Variants in RYR2 observed in about 807,000 individuals in gnomAD.
The protein encoded by RYR2 is cardiac muscle ryanodine receptor-calcium release channel.
In RYR2, 227 loss-of-function variants were observed where a neutral mutation model predicts 601.1. The observed-to-expected ratio is 0.38, with a 90% CI of 0.34 to 0.42. The LOEUF (loss-of-function observed/expected upper bound fraction) is 0.42, where lower values mean the gene tolerates loss of function less well. Ranked by LOEUF, RYR2 falls within the 10% of genes least tolerant of loss-of-function variation. The probability of loss-of-function intolerance (pLI) is 1.00; values close to 1 mark genes in which losing one functional copy is unlikely to be tolerated. For missense variants in RYR2, 4,646 were observed against 6,156.5 expected (o/e 0.75, Z 8.21); for synonymous variants, 2,223 against 2,175.1 (o/e 1.02, Z -0.61).
rs191438943 is a variant in RYR2 at position 237,219,744 on chromosome 1, A to G, written c.49-50753A>G. 3.9e-5 allele frequency among the ~76,000 whole-genome samples: 6 copies of G among 152,308 alleles called. No homozygotes were observed. The East Asian group carries it at 1.2e-3, about 29-fold the overall frequency. On this transcript the variant is annotated intron_variant, in intron 1 of 104. Transcript: ENST00000366574. ...AACACTTTCCTAACATAGTTGTCTA[A>G]TGAGATAGCTACTGAAATCCAGCAT...
chr1:237,765,764 C>T (rs1175132624), intron 84 of RYR2, among the ~76,000 whole-genome samples: 1 of 152,128 alleles, frequency 6.6e-6, no homozygotes, highest in East Asian at 1.9e-4. Flanking sequence ...GTTCGTGGCA[C>T]CAAATACATT....
intron 3 of RYR2, among the ~76,000 whole-genome samples, chr1:237,350,938 AAC>A (rs1558666923): frequency 6.6e-6 from 1 of 152,066 alleles, no homozygotes; most frequent in Non-Finnish European, 1.5e-5. Context: ...ACATTTATAG[AAC>A]ACAGCACCAT....
rs373265181 is a variant in RYR2 at position 237,629,134 on chromosome 1, T to C, written c.6440+1054T>C. 1.9e-4 allele frequency among the ~76,000 whole-genome samples: 29 copies of C among 152,318 alleles called. 1 individual carries two copies. In the East Asian group the frequency reaches 4.6e-3, roughly 24 times the overall value. ...AAAGAATGGGATGCAACACGTTTTTTTGAGTATACTACTGATTTATACATG... is the reference window on the plus strand; with the variant it reads ...AAAGAATGGGATGCAACACGTTTTTCTGAGTATACTACTGATTTATACATG... On this transcript the variant is annotated intron_variant, in intron 41 of 104. Transcript: ENST00000366574.
intron 79 of RYR2, among the ~76,000 whole-genome samples, chr1:237,738,546 A>T (rs1250885288): frequency 3.9e-5 from 6 of 151,984 alleles, no homozygotes; most frequent in Admixed American, 3.9e-4. Context: ...ATAGATAGAT[A>T]AATTTTCATA....
At chr1:237,761,116 TAAG>T in intron 84 of RYR2, 88 bp downstream of exon 84, 1 of 778,618 alleles carries the variant, frequency 1.3e-6, no homozygotes, top group Non-Finnish European at 2.2e-6. Flanking sequence ...AGTAGAGAGA[TAAG>T]AAGTTATTTT....
chr1:237,336,058 A>G (rs1366547785), intron 3 of RYR2, among the ~76,000 whole-genome samples: 3 of 152,164 alleles, frequency 2.0e-5, no homozygotes, highest in Non-Finnish European at 2.9e-5. Flanking sequence ...CAATGAGTTT[A>G]CAACTGCAGG....
At chr1:237,238,536 T>C (rs528506906) in intron 1 of RYR2, among the ~76,000 whole-genome samples, 1 of 152,322 alleles carries the variant, frequency 6.6e-6, no homozygotes, top group East Asian at 1.9e-4. Context: ...TAAACCTCTT[T>C]AAATATTTTA....
chr1:237,688,272 G>A (rs1450984171), intron 63 of RYR2, among the ~76,000 whole-genome samples: 1 of 152,120 alleles, frequency 6.6e-6, no homozygotes, highest in African/African-American at 2.4e-5. Flanking sequence ...CAGTGTTGGA[G>A]TAATTTTAGT....
intron 17 of RYR2, among the ~76,000 whole-genome samples, chr1:237,474,286 T>C (rs1353200814): frequency 9.8e-4 from 46 of 47,130 alleles, no homozygotes; most frequent in African/African-American, 1.3e-3. Flanking sequence ...CACACACACA[T>C]ATATATATAT....
chr1:237,100,445 G>C (rs2148512184), intron 1 of RYR2, among the ~76,000 whole-genome samples: 1 of 151,660 alleles, frequency 6.6e-6, no homozygotes, highest in South Asian at 2.1e-4. Flanking sequence ...GGAGTGCAGT[G>C]GTGTGATCTC....
At chr1:237,821,088 G>A (rs956619857) in intron 101 of RYR2, among the ~76,000 whole-genome samples, 1 of 152,160 alleles carries the variant, frequency 6.6e-6, no homozygotes, top group Admixed American at 6.5e-5. Context: ...AGGGGTGGCT[G>A]TGGGTTCAGC....
chr1:237,760,930 GT>G (rs563753018), intron 83 of RYR2, 24 bp from the exon 84 acceptor site: 148 of 1,426,752 alleles, frequency 1.0e-4, no homozygotes, highest in African/African-American at 3.2e-4. Context: ...TCCTCTAAAT[GT>G]TTTTTTTTCC....
chr1:237,191,418 G>GT (rs113524775), intron 1 of RYR2, among the ~76,000 whole-genome samples: 61,205 of 145,374 alleles, frequency 0.42, 15,237 homozygotes, highest in Non-Finnish European at 0.56. Context: ...AATTTTATGG[G>GT]TTTTTTTTTT....
intron 22 of RYR2, among the ~76,000 whole-genome samples, chr1:237,506,068 A>G (rs2997977): frequency 0.61 from 92,039 of 151,956 alleles, 28,179 homozygotes; most frequent in East Asian, 0.67. Context: ...AGTTGGTGTA[A>G]GAGCTTGGGG....
chr1:237,581,660 G>A (rs1392972945), intron 29 of RYR2, among the ~76,000 whole-genome samples: 3 of 152,120 alleles, frequency 2.0e-5, no homozygotes, highest in Non-Finnish European at 2.9e-5. Context: ...TCAGAAGTCT[G>A]GTTTTCAACA....
chr1:237,309,540 A>G (rs950297191), intron 2 of RYR2, among the ~76,000 whole-genome samples: 17 of 152,226 alleles, frequency 1.1e-4, no homozygotes, highest in African/African-American at 4.1e-4. Context: ...CCAATTCCCC[A>G]CTAGACTCAG....
At position 237,131,806 on chromosome 1, in the gene RYR2, G is replaced by A. The variant is rs558649909; in HGVS notation, c.48+89237G>A. 5.9e-5 allele frequency among the ~76,000 whole-genome samples: 9 copies of A among 151,698 alleles called. No individual in the cohort carries two copies. In the East Asian group the frequency reaches 1.2e-3, roughly 20 times the overall value. On this transcript the variant is annotated intron_variant, in intron 1 of 104. Transcript: ENST00000366574. ...CACGATCATGGCTCATTGCAGCTTCGACCTCCAGGGTTCAAGTGATCCTCC... is the reference window on the plus strand; with the variant it reads ...CACGATCATGGCTCATTGCAGCTTCAACCTCCAGGGTTCAAGTGATCCTCC...
chr1:237,512,554 C>A (rs1331099023), intron 24 of RYR2, among the ~76,000 whole-genome samples: 2 of 152,106 alleles, frequency 1.3e-5, no homozygotes, highest in African/African-American at 4.8e-5. Flanking sequence ...AGCACCATAT[C>A]TTTGGTTTTG....
At chr1:237,129,168 T>C (rs1004349642) in intron 1 of RYR2, among the ~76,000 whole-genome samples, 1 of 152,206 alleles carries the variant, frequency 6.6e-6, no homozygotes, top group Non-Finnish European at 1.5e-5. Flanking sequence ...ATTACTGCAG[T>C]GCAGTAGCAT....
Sources: allele counts gnomAD v4.1 joint callset (sites outside exome capture counted in the v4.1 genomes callset), GRCh38; gene constraint gnomAD v4.1.1; transcripts MANE v1.5; gene names NCBI Gene and HGNC (gene_info 2026-07-23, HGNC 2026-07-21).